Variants in REEP1 observed in about 807,000 individuals in gnomAD.
REEP1 encodes receptor accessory protein 1, also known as receptor expression-enhancing protein 1.
Under a neutral mutation model 40.3 loss-of-function variants are expected in REEP1, and 22 were observed. The ratio of observed to expected loss-of-function variants is 0.55; its 90% CI spans 0.39 to 0.78. REEP1 has a LOEUF of 0.78. Among genes scored for constraint, REEP1 ranks in the 30% least tolerant of loss-of-function variants. REEP1 has a pLI of 0.00. For synonymous variants in REEP1, 116 were observed against 139.2 expected, an observed-to-expected ratio of 0.83 and a Z score of 1.17; for missense variants, 280 against 361.1, an observed-to-expected ratio of 0.78 and a Z score of 1.82.
chr2:86,251,770 T>G, intron 5 of REEP1, 187 bp downstream of exon 5: 2 of 653,624 alleles, frequency 3.1e-6, no homozygotes, highest in Admixed American at 2.3e-5. Flanking sequence ...TGGGCATGTG[T>G]GTTGGGGGGT....
At chr2:86,242,869 G>A (rs1675738111) in intron 5 of REEP1, among the ~76,000 whole-genome samples, 2 of 152,160 alleles carry the variant, frequency 1.3e-5, no homozygotes. Context: ...AATGGTTAGG[G>A]CTTGAAGAGT....
intron 2 of REEP1, among the ~76,000 whole-genome samples, chr2:86,281,041 T>C (rs1185318829): frequency 6.6e-6 from 1 of 152,156 alleles, no homozygotes; most frequent in Non-Finnish European, 1.5e-5. Flanking sequence ...ACTGCATCAT[T>C]CAAATGTCAG....
intron 7 of REEP1, 36 bp downstream of exon 7, chr2:86,227,327 T>G: frequency 2.4e-6 from 3 of 1,232,040 alleles, no homozygotes; most frequent in Non-Finnish European, 3.0e-6. Context: ...CGAGTGAGAG[T>G]CCAGCACGCT....
chr2:86,290,963 A>G (rs1330111841), intron 1 of REEP1, among the ~76,000 whole-genome samples: 1 of 152,216 alleles, frequency 6.6e-6, no homozygotes, highest in Non-Finnish European at 1.5e-5. Flanking sequence ...TTGGTTCCCT[A>G]AAGACTGTAT....
chr2:86,325,002 C>G (rs1050025640), intron 1 of REEP1, among the ~76,000 whole-genome samples: 5 of 152,230 alleles, frequency 3.3e-5, no homozygotes, highest in African/African-American at 1.2e-4. Context: ...ATTATCCCCT[C>G]ACCACCATTT....
intron 1 of REEP1, among the ~76,000 whole-genome samples, chr2:86,310,702 C>A (rs1443370227): frequency 2.2e-5 from 3 of 134,868 alleles, no homozygotes; most frequent in African/African-American, 8.7e-5. Flanking sequence ...TCTCTCTCCT[C>A]CCCTTTCTCT....
intron 1 of REEP1, among the ~76,000 whole-genome samples, chr2:86,302,426 G>A (rs1483790804): frequency 6.6e-6 from 1 of 152,222 alleles, no homozygotes; most frequent in Non-Finnish European, 1.5e-5. Context: ...GAGGATGAGA[G>A]TAGAGACTGG....
chr2:86,336,219 C>T (rs1470352757), intron 1 of REEP1, among the ~76,000 whole-genome samples: 1 of 152,176 alleles, frequency 6.6e-6, no homozygotes, highest in Non-Finnish European at 1.5e-5. Context: ...CAAGGTGCAG[C>T]GCAAACACCC....
At chr2:86,326,130 G>C (rs1393435788) in intron 1 of REEP1, among the ~76,000 whole-genome samples, 2 of 152,170 alleles carry the variant, frequency 1.3e-5, no homozygotes, top group Non-Finnish European at 2.9e-5. Flanking sequence ...ACAGCACTGG[G>C]CAGGCAGAGG....
chr2:86,290,212 G>A (rs1009197006), intron 1 of REEP1, among the ~76,000 whole-genome samples: 1 of 152,088 alleles, frequency 6.6e-6, no homozygotes, highest in African/African-American at 2.4e-5. Flanking sequence ...GGCCAGGCTG[G>A]TATACACTCT....
intron 3 of REEP1, among the ~76,000 whole-genome samples, chr2:86,260,635 G>A (rs1054608220): frequency 2.0e-5 from 3 of 152,180 alleles, no homozygotes; most frequent in African/African-American, 4.8e-5. Context: ...GGCAGGACTC[G>A]ACAGGCCATC....
chr2:86,246,979 G>T (rs2104183683), intron 5 of REEP1, among the ~76,000 whole-genome samples: 1 of 152,226 alleles, frequency 6.6e-6, no homozygotes, highest in East Asian at 1.9e-4. Flanking sequence ...GGGATTACAG[G>T]CGTGAGCCAC....
chr2:86,323,495 G>A (rs1482744558), intron 1 of REEP1, among the ~76,000 whole-genome samples: 6 of 152,116 alleles, frequency 3.9e-5, no homozygotes, highest in Non-Finnish European at 8.8e-5. Flanking sequence ...GATCAGCAGC[G>A]GCATTAGATT....
intron 4 of REEP1, 129 bp downstream of exon 4, chr2:86,254,565 G>A: frequency 1.1e-6 from 1 of 930,618 alleles, no homozygotes; most frequent in Non-Finnish European, 1.7e-6. Context: ...AAAACGATTA[G>A]GAGGAATGAC....
intron 1 of REEP1, among the ~76,000 whole-genome samples, chr2:86,307,382 T>C (rs891384102): frequency 1.3e-5 from 2 of 152,198 alleles, no homozygotes; most frequent in African/African-American, 4.8e-5. Context: ...TTCCTTTATT[T>C]ATTTATTGTC....
intron 1 of REEP1, among the ~76,000 whole-genome samples, chr2:86,330,313 C>T (rs949807561): frequency 6.6e-6 from 1 of 151,966 alleles, no homozygotes; most frequent in Non-Finnish European, 1.5e-5. Context: ...CACTTGAATT[C>T]AGGTTTGGCC....
chr2:86,278,447 A>G (rs1349088442), intron 2 of REEP1, among the ~76,000 whole-genome samples: 1 of 152,190 alleles, frequency 6.6e-6, no homozygotes, highest in African/African-American at 2.4e-5. Context: ...TCAGCAACTT[A>G]CGGAATCTGG....
At chr2:86,234,147 G>C (rs1024476800) in intron 5 of REEP1, among the ~76,000 whole-genome samples, 2 of 151,892 alleles carry the variant, frequency 1.3e-5, no homozygotes, top group African/African-American at 4.8e-5. Flanking sequence ...AATCCAGATA[G>C]GATCAAGGAG....
At chr2:86,274,496 C>A (rs1439599398) in intron 2 of REEP1, among the ~76,000 whole-genome samples, 1 of 152,180 alleles carries the variant, frequency 6.6e-6, no homozygotes, top group African/African-American at 2.4e-5. Context: ...ACAAGGTCAA[C>A]GGAACACTGG....
Sources: allele counts gnomAD v4.1 joint callset (sites outside exome capture counted in the v4.1 genomes callset), GRCh38; gene constraint gnomAD v4.1.1; transcripts MANE v1.5; gene names NCBI Gene and HGNC (gene_info 2026-07-23, HGNC 2026-07-21).